The following TENM4 variants were observed in gnomAD, a reference collection of about 807,000 sequenced individuals.
TENM4 encodes the protein teneurin-4.
In TENM4, 82 loss-of-function variants were observed where a neutral mutation model predicts 243.3. The observed-to-expected ratio is 0.34, with a 90% CI of 0.28 to 0.40. TENM4 has a LOEUF of 0.40. Among genes scored for constraint, TENM4 ranks in the 10% least tolerant of loss-of-function variants. The pLI, the probability that TENM4 is intolerant of heterozygous loss-of-function variation, is 1.00. For missense variants in TENM4, 3,138 were observed against 3,673.3 expected (o/e 0.85, Z 3.77); for synonymous variants, 1,412 against 1,456.3 (o/e 0.97, Z 0.69).
chr11:79,234,120 T>A (rs1864421384), intron 2 of TENM4, among the ~76,000 whole-genome samples: 1 of 152,208 alleles, frequency 6.6e-6, no homozygotes, highest in Non-Finnish European at 1.5e-5. Context: ...TGTTTCCCTA[T>A]CTGTAAAAGC....
chr11:78,668,926 G>A lies in TENM4; in HGVS notation c.7408+11C>T, dbSNP rs777539051. 40 of 1,605,790 alleles carry A rather than the reference G, an allele frequency of 2.5e-5. No individual in the cohort carries two copies. Among genetic ancestry groups the A allele is most frequent in the African/African-American group, 1.3e-4 (10 of 74,766 alleles). ...ATGGGGTCCTGCCCCTGAGTGAGCCGTGGTCCTTACCTGTCATGAAGCACT... is the reference window on the plus strand; with the variant it reads ...ATGGGGTCCTGCCCCTGAGTGAGCCATGGTCCTTACCTGTCATGAAGCACT... On this transcript the variant is annotated intron_variant, in intron 32 of 33. Coordinates refer to ENST00000278550, the MANE Select transcript of TENM4 (RefSeq NM_001098816.3).
intron 15 of TENM4, among the ~76,000 whole-genome samples, chr11:78,802,287 AC>A (rs767121824): frequency 2.5e-4 from 38 of 152,338 alleles, no homozygotes; most frequent in Non-Finnish European, 4.3e-4. Context: ...GCATACCAAA[AC>A]GATGTACTTT....
intron 6 of TENM4, among the ~76,000 whole-genome samples, chr11:79,060,455 A>G (rs1860058097): frequency 6.6e-6 from 1 of 152,230 alleles, no homozygotes; most frequent in Non-Finnish European, 1.5e-5. Flanking sequence ...CTCTACCGCT[A>G]TCAATACTGT....
At chr11:78,786,755 G>A (rs1856943915) in intron 16 of TENM4, 143 bp downstream of exon 16, 2 of 1,174,420 alleles carry the variant, frequency 1.7e-6, no homozygotes, top group East Asian at 5.2e-5. Context: ...GCTAGGAAAT[G>A]CCAGTCATAA....
intron 4 of TENM4, among the ~76,000 whole-genome samples, chr11:79,078,588 C>T (rs1357611122): frequency 6.6e-6 from 1 of 152,170 alleles, no homozygotes; most frequent in African/African-American, 2.4e-5. Context: ...GTTCACACAA[C>T]ACACCAGGAC....
At chr11:79,390,374 G>A (rs986659716) in intron 1 of TENM4, among the ~76,000 whole-genome samples, 9 of 152,316 alleles carry the variant, frequency 5.9e-5, no homozygotes, top group African/African-American at 1.9e-4. Flanking sequence ...TCCAAAAGAC[G>A]CCATTTGCTC....
chr11:79,433,088 G>T lies in TENM4; in HGVS notation c.-321+7421C>A, dbSNP rs57989569. On this transcript the variant is annotated intron_variant, in intron 1 of 33. Transcript: ENST00000278550. The stretch of plus-strand genomic sequence containing the variant: ...CCCCAAATCTAAAATGAAAGAATGG[G>T]CACATCCCTTTATAGTGTCATTCTA... 2.5e-3 allele frequency among the ~76,000 whole-genome samples: 374 copies of T among 152,270 alleles called. 1 individual carries two copies. The highest frequency in any genetic ancestry group is 8.5e-3 in the African/African-American group (355 of 41,558).
chr11:78,727,174 C>T (rs117840541), intron 22 of TENM4, among the ~76,000 whole-genome samples: 1,815 of 152,264 alleles, frequency 0.012, 20 homozygotes, highest in Non-Finnish European at 0.017. Flanking sequence ...ACGGGTTGGG[C>T]GCGGTGGCTC....
At chr11:79,037,032 A>G (rs1358519131) in intron 6 of TENM4, among the ~76,000 whole-genome samples, 9 of 92,036 alleles carry the variant, frequency 9.8e-5, no homozygotes, top group Non-Finnish European at 1.7e-4. Flanking sequence ...AAAAAAAAAA[A>G]AAAAAAAAAA....
At chr11:79,142,695 A>G (rs536953383) in intron 4 of TENM4, among the ~76,000 whole-genome samples, 16 of 152,256 alleles carry the variant, frequency 1.1e-4, no homozygotes, top group African/African-American at 3.8e-4. Flanking sequence ...AGCAAAAAGA[A>G]CACATCTAGA....
intron 6 of TENM4, among the ~76,000 whole-genome samples, chr11:78,958,379 G>A (rs569506087): frequency 6.6e-6 from 1 of 152,328 alleles, no homozygotes; most frequent in Admixed American, 6.5e-5. Context: ...GGGTAGGGAC[G>A]AATACCTACT....
chr11:79,401,997 G>A, intron 1 of TENM4: 1 of 387,390 alleles, frequency 2.6e-6, no homozygotes, highest in South Asian at 2.2e-5. Context: ...TGTGCAGGGT[G>A]AGAAGAGAGA....
intron 19 of TENM4, among the ~76,000 whole-genome samples, chr11:78,749,660 C>A (rs780925371): frequency 6.6e-6 from 1 of 152,238 alleles, no homozygotes; most frequent in African/African-American, 2.4e-5. Flanking sequence ...CATACATGGT[C>A]ATTTCTCTTT....
At chr11:78,801,999 G>A (rs1450667357) in intron 15 of TENM4, among the ~76,000 whole-genome samples, 1 of 152,200 alleles carries the variant, frequency 6.6e-6, no homozygotes, top group Non-Finnish European at 1.5e-5. Context: ...AAAATTAAGG[G>A]TTAGAGGGTT....
At chr11:78,796,897 C>G (rs949644320) in intron 15 of TENM4, among the ~76,000 whole-genome samples, 7 of 152,242 alleles carry the variant, frequency 4.6e-5, no homozygotes, top group Non-Finnish European at 2.9e-5. Context: ...CCAACCTCCA[C>G]CACCACCTTG....
chr11:78,758,154 T>A (rs1477316553), intron 18 of TENM4, among the ~76,000 whole-genome samples: 2 of 152,292 alleles, frequency 1.3e-5, no homozygotes, highest in East Asian at 3.9e-4. Flanking sequence ...TCTAACGACA[T>A]GTATTCCTGC....
At chr11:79,367,418 C>T (rs1248326614) in intron 1 of TENM4, among the ~76,000 whole-genome samples, 1 of 152,188 alleles carries the variant, frequency 6.6e-6, no homozygotes, top group African/African-American at 2.4e-5. Flanking sequence ...CTTCCTCTCC[C>T]TCTTCTTTTC....
At chr11:78,775,161 T>C (rs1443447474) in intron 17 of TENM4, among the ~76,000 whole-genome samples, 1 of 152,228 alleles carries the variant, frequency 6.6e-6, no homozygotes, top group Non-Finnish European at 1.5e-5. Flanking sequence ...ATTCGATTAC[T>C]AGAGCATTAT....
rs1276284239 is a variant in TENM4, at chr11:79,440,195, G to T, written c.-321+314C>A. 6.6e-6 allele frequency among the ~76,000 whole-genome samples: 1 copy of T among 152,072 alleles called. No individual in the cohort carries two copies. Among genetic ancestry groups the T allele is most frequent in the Admixed American group, 6.5e-5 (1 of 15,280 alleles). On this transcript the variant is annotated intron_variant, in intron 1 of 33. Coordinates refer to ENST00000278550, the MANE Select transcript of TENM4 (RefSeq NM_001098816.3). The surrounding 1 kb of genome is among the most constrained non-coding windows in gnomAD (Gnocchi z 4.7). ...TCCGGGAGAGGCAGACGAACCTGGG[G>T]CGCGCCGCCTCCCTCCCACCCGCTT...
Sources: gnomAD v4.1 joint callset for allele counts (sites outside exome capture counted in the v4.1 genomes callset) on GRCh38, gnomAD v4.1.1 for gene constraint, Gnocchi (gnomAD v3.1) non-coding constraint, MANE v1.5 for transcripts, NCBI Gene and HGNC (gene_info 2026-07-23, HGNC 2026-07-21) for gene names.